INSC: variants seen among roughly 807,000 people sequenced by gnomAD.
INSC encodes INSC spindle orientation adaptor protein.
A neutral mutation model predicts 58.6 loss-of-function variants in INSC; 67 were observed. The observed-to-expected ratio is 1.14, with a 90% CI of 0.94 to 1.40. INSC has a LOEUF of 1.40. Among genes scored for constraint, INSC ranks in the 40% most tolerant of loss-of-function variants. INSC has a pLI of 0.00. For missense variants in INSC, 714 were observed against 692.0 expected (o/e 1.03, Z -0.36); for synonymous variants, 262 against 276.1 (o/e 0.95, Z 0.51).
intron 5 of INSC, among the ~76,000 whole-genome samples, chr11:15,178,723 T>C (rs1400229718): frequency 1.3e-5 from 2 of 152,080 alleles, no homozygotes; most frequent in Non-Finnish European, 2.9e-5. Context: ...CACAGCAAGA[T>C]GGTGGCAGAG....
chr11:15,124,562 T>C (rs1481330043), intron 1 of INSC, among the ~76,000 whole-genome samples: 1 of 152,146 alleles, frequency 6.6e-6, no homozygotes, highest in Non-Finnish European at 1.5e-5. Flanking sequence ...TTTTAGACTA[T>C]GATTGCACTT....
intron 9 of INSC, among the ~76,000 whole-genome samples, chr11:15,234,693 G>A (rs571105051): frequency 6.6e-6 from 1 of 152,248 alleles, no homozygotes; most frequent in African/African-American, 2.4e-5. Context: ...CCATTTCTGT[G>A]AAAGTGGGTG....
In INSC at chr11:15,175,829, G is replaced by A; in HGVS notation, c.145G>A (p.Ala49Thr). 2 of 1,611,872 alleles carry A rather than the reference G, an allele frequency of 1.2e-6. No individual in the cohort carries two copies. Among genetic ancestry groups the A allele is most frequent in the South Asian group, 1.1e-5 (1 of 90,968 alleles). The change falls in exon 3 of 13, where the codon GCC (alanine) becomes ACC (threonine). Residue 49 changes from alanine to threonine, a missense_variant. Coordinates refer to ENST00000379556, the MANE Select transcript of INSC (RefSeq NM_001042536.3). ...TECECMCVLQ[A>T]KPISLEEDAQ... ...GTGCGAGTGCATGTGTGTCCTGCAG[G>A]CCAAGCCCATCAGCCTGGAAGAGGA...
upstream of INSC, among the ~76,000 whole-genome samples, chr11:15,113,632 A>T (rs1046703168): frequency 6.6e-6 from 1 of 152,156 alleles, no homozygotes; most frequent in African/African-American, 2.4e-5. Flanking sequence ...CCTCTCAGGG[A>T]ACTTGGGGAG....
intron 2 of INSC, among the ~76,000 whole-genome samples, chr11:15,159,412 T>C (rs1458552887): frequency 6.6e-6 from 1 of 152,166 alleles, no homozygotes; most frequent in Non-Finnish European, 1.5e-5. Context: ...CTTTGGCAAA[T>C]GAAAATATTC....
the INSC span, among the ~76,000 whole-genome samples, chr11:15,269,201 TCAAA>T: frequency 6.6e-6 from 1 of 152,116 alleles, no homozygotes; most frequent in African/African-American, 2.4e-5. Flanking sequence ...TTCCAGGTGC[TCAAA>T]CATTTAGATA....
intron 6 of INSC, among the ~76,000 whole-genome samples, chr11:15,200,364 G>A (rs943285554): frequency 1.3e-5 from 2 of 152,102 alleles, no homozygotes; most frequent in Non-Finnish European, 2.9e-5. Flanking sequence ...GAATAGCATG[G>A]TGACTGTTGG....
At chr11:15,151,184 G>A (rs905806208) in intron 2 of INSC, among the ~76,000 whole-genome samples, 6 of 152,268 alleles carry the variant, frequency 3.9e-5, no homozygotes, top group Non-Finnish European at 7.4e-5. Flanking sequence ...CCTGAGCTCC[G>A]TCTCCTGTCA....
At chr11:15,116,348 T>A (rs1468776802) in intron 1 of INSC, among the ~76,000 whole-genome samples, 1 of 152,240 alleles carries the variant, frequency 6.6e-6, no homozygotes, top group Non-Finnish European at 1.5e-5. Context: ...TGAATTGAGC[T>A]GGGTTGATTC....
intron 12 of INSC, 119 bp from the exon 13 acceptor site, chr11:15,245,793 C>T (rs1852539347): frequency 7.3e-7 from 1 of 1,364,734 alleles, no homozygotes. Context: ...GATGATCAAC[C>T]CAAATTGTCT....
At chr11:15,222,898 C>G (rs1170734571) in intron 8 of INSC, among the ~76,000 whole-genome samples, 1 of 152,178 alleles carries the variant, frequency 6.6e-6, no homozygotes, top group African/African-American at 2.4e-5. Context: ...CCCTACAGTT[C>G]TAAGCATACT....
At chr11:15,153,130 G>C (rs1274606526) in intron 2 of INSC, among the ~76,000 whole-genome samples, 1 of 152,224 alleles carries the variant, frequency 6.6e-6, no homozygotes, top group Non-Finnish European at 1.5e-5. Context: ...TGGTGACCTA[G>C]TTGGTGACCT....
chr11:15,252,488 A>C, the INSC span, among the ~76,000 whole-genome samples: 1 of 152,204 alleles, frequency 6.6e-6, no homozygotes, highest in Non-Finnish European at 1.5e-5. Context: ...GCTGGCTGGC[A>C]AGTTGGTGCT....
intron 7 of INSC, among the ~76,000 whole-genome samples, chr11:15,208,075 C>G (rs1356629515): frequency 6.6e-6 from 1 of 152,170 alleles, no homozygotes; most frequent in East Asian, 1.9e-4. Flanking sequence ...ATATATAAGC[C>G]AGGCTGGATA....
chr11:15,181,817 A>G (rs1001731924), intron 5 of INSC, among the ~76,000 whole-genome samples: 9 of 152,186 alleles, frequency 5.9e-5, no homozygotes, highest in Non-Finnish European at 1.3e-4. Flanking sequence ...TGCAGCTTCT[A>G]CTTACCTATA....
intron 8 of INSC, among the ~76,000 whole-genome samples, chr11:15,222,288 G>T (rs1851474669): frequency 6.7e-6 from 1 of 148,794 alleles, no homozygotes; most frequent in African/African-American, 2.4e-5. Context: ...AATCCCCAGG[G>T]AATTTTTTGT....
At chr11:15,182,924 C>A (rs1849830024) in intron 5 of INSC, among the ~76,000 whole-genome samples, 1 of 152,078 alleles carries the variant, frequency 6.6e-6, no homozygotes, top group Admixed American at 6.6e-5. Flanking sequence ...CCTTGCCATA[C>A]AAAAATCTTG....
chr11:15,227,287 A>G (rs770267764), intron 9 of INSC, among the ~76,000 whole-genome samples: 1 of 152,190 alleles, frequency 6.6e-6, no homozygotes, highest in African/African-American at 2.4e-5. Flanking sequence ...CCATTTATCA[A>G]TTGAGTGACA....
At chr11:15,151,928 A>C (rs1275980864) in intron 2 of INSC, among the ~76,000 whole-genome samples, 1 of 152,220 alleles carries the variant, frequency 6.6e-6, no homozygotes, top group East Asian at 1.9e-4. Flanking sequence ...AATCCCTGCC[A>C]GTGAAGAGTC....
Sources: gnomAD v4.1 joint callset for allele counts (sites outside exome capture counted in the v4.1 genomes callset) on GRCh38, gnomAD v4.1.1 for gene constraint, MANE v1.5 for transcripts, NCBI Gene and HGNC (gene_info 2026-07-23, HGNC 2026-07-21) for gene names.